FOXP2: variants seen among roughly 807,000 people sequenced by gnomAD.
FOXP2 encodes the protein forkhead box P2, also known as forkhead box protein P2.
Under a neutral mutation model 115.8 loss-of-function variants are expected in FOXP2, and 12 were observed. The ratio of observed to expected loss-of-function variants is 0.10; its 90% CI spans 0.07 to 0.17. The LOEUF is 0.17. FOXP2 is among the 10% of genes least tolerant of loss of function. FOXP2 has a pLI of 1.00. For synonymous variants in FOXP2, 328 were observed against 297.7 expected, an observed-to-expected ratio of 1.10 and a Z score of -1.05; for missense variants, 629 against 843.5, an observed-to-expected ratio of 0.75 and a Z score of 3.15.
intron 2 of FOXP2, among the ~76,000 whole-genome samples, chr7:114,374,240 T>A (rs566629343): frequency 6.6e-6 from 1 of 152,342 alleles, no homozygotes; most frequent in South Asian, 2.1e-4. Flanking sequence ...AAGCTTCATA[T>A]GTCACAGAAA....
intron 2 of FOXP2, among the ~76,000 whole-genome samples, chr7:114,487,916 T>G (rs1796867553): frequency 6.6e-6 from 1 of 152,206 alleles, no homozygotes; most frequent in South Asian, 2.1e-4. Context: ...TTCCAACCCA[T>G]GCCTGTTACC....
intron 2 of FOXP2, among the ~76,000 whole-genome samples, chr7:114,459,827 G>A (rs1406534103): frequency 6.6e-6 from 1 of 152,094 alleles, no homozygotes; most frequent in Non-Finnish European, 1.5e-5. Flanking sequence ...TGTTGGTCCG[G>A]TTGATCTCGA....
intron 2 of FOXP2, among the ~76,000 whole-genome samples, chr7:114,454,304 C>A (rs1473704475): frequency 6.6e-6 from 1 of 152,136 alleles, no homozygotes; most frequent in East Asian, 1.9e-4. Context: ...AAATGCAAAT[C>A]AAAACCACTG....
At chr7:114,318,984 A>G (rs1797342398) in intron 2 of FOXP2, among the ~76,000 whole-genome samples, 1 of 152,214 alleles carries the variant, frequency 6.6e-6, no homozygotes, top group African/African-American at 2.4e-5. Flanking sequence ...TGGATAGAAT[A>G]AAATAGTAAT....
At chr7:114,155,085 A>T (rs1792628141) in intron 1 of FOXP2, among the ~76,000 whole-genome samples, 1 of 152,186 alleles carries the variant, frequency 6.6e-6, no homozygotes, top group Admixed American at 6.6e-5. Flanking sequence ...GAATTTAGAA[A>T]ATGACTTAGT....
intron 2 of FOXP2, among the ~76,000 whole-genome samples, chr7:114,301,494 C>T (rs1473979921): frequency 6.6e-6 from 1 of 152,056 alleles, no homozygotes; most frequent in Non-Finnish European, 1.5e-5. Context: ...TTCAAAACTC[C>T]TCTTAAATAG....
At chr7:114,475,442 A>G (rs891284375) in intron 2 of FOXP2, among the ~76,000 whole-genome samples, 2 of 152,074 alleles carry the variant, frequency 1.3e-5, no homozygotes, top group African/African-American at 4.8e-5. Flanking sequence ...TGAAAGTAAA[A>G]GAGTAGAAAT....
intron 1 of FOXP2, among the ~76,000 whole-genome samples, chr7:114,088,750 G>A (rs990501453): frequency 5.3e-5 from 8 of 152,204 alleles, no homozygotes; most frequent in Admixed American, 5.2e-4. Flanking sequence ...CTGTCACTAT[G>A]AGTTATGGAT....
At chr7:114,212,955 G>C (rs1296823273) in intron 1 of FOXP2, among the ~76,000 whole-genome samples, 3 of 152,222 alleles carry the variant, frequency 2.0e-5, no homozygotes, top group Non-Finnish European at 4.4e-5. Flanking sequence ...TCCTTTAAGT[G>C]CTGAAGCAGT....
At chr7:114,252,651 T>A (rs928899705) in intron 1 of FOXP2, among the ~76,000 whole-genome samples, 11 of 152,194 alleles carry the variant, frequency 7.2e-5, no homozygotes, top group Non-Finnish European at 1.5e-4. Flanking sequence ...CCCTTTATCA[T>A]TTTTTATTAC....
intron 2 of FOXP2, among the ~76,000 whole-genome samples, chr7:114,441,583 G>A (rs1794609846): frequency 6.6e-6 from 1 of 151,978 alleles, no homozygotes; most frequent in Non-Finnish European, 1.5e-5. Flanking sequence ...CAGCTCCTTG[G>A]AATATATTCT....
intron 2 of FOXP2, among the ~76,000 whole-genome samples, chr7:114,343,926 C>G (rs899582504): frequency 6.6e-6 from 1 of 151,630 alleles, no homozygotes; most frequent in Non-Finnish European, 1.5e-5. Flanking sequence ...GTCTTCCTCA[C>G]CCCCACCTCC....
At chr7:114,324,643 T>C (rs1797511361) in intron 2 of FOXP2, among the ~76,000 whole-genome samples, 1 of 151,858 alleles carries the variant, frequency 6.6e-6, no homozygotes, top group African/African-American at 2.4e-5. Flanking sequence ...TTGGCGACTG[T>C]TATCTATCTA....
intron 1 of FOXP2, among the ~76,000 whole-genome samples, chr7:114,195,155 G>A (rs967279911): frequency 2.0e-5 from 3 of 151,966 alleles, no homozygotes; most frequent in South Asian, 4.1e-4. Context: ...GAGAGGAGCC[G>A]ATGAATATTA....
chr7:114,271,716 A>T (rs1325794888), intron 1 of FOXP2, among the ~76,000 whole-genome samples: 1 of 117,196 alleles, frequency 8.5e-6, no homozygotes, highest in Non-Finnish European at 1.6e-5. Context: ...TATTTAATAC[A>T]TATGTATTAA....
Position 114,359,481 on chromosome 7 carries a change from T to C in FOXP2, c.-10-67021T>C, listed in dbSNP as rs114585136. Among the ~76,000 whole-genome samples, 1,203 of 152,294 alleles carry C rather than the reference T, an allele frequency of 7.9e-3. 14 individuals carry two copies. Among genetic ancestry groups the C allele is most frequent in the African/African-American group, 0.028 (1,145 of 41,588 alleles). ...CACCATCCTCCAGAATCCAGAATTG[T>C]AGATCCACTGACAGCTTGTACCATG... On this transcript the variant is annotated intron_variant, in intron 2 of 17. Transcript: ENST00000634411.
intron 2 of FOXP2, among the ~76,000 whole-genome samples, chr7:114,528,243 T>G (rs1798968157): frequency 6.6e-6 from 1 of 152,078 alleles, no homozygotes; most frequent in Non-Finnish European, 1.5e-5. Context: ...TTCTGTCATC[T>G]CCACGAAATG....
intron 3 of FOXP2, among the ~76,000 whole-genome samples, chr7:114,595,831 G>T (rs1285414779): frequency 6.6e-6 from 1 of 151,996 alleles, no homozygotes; most frequent in Admixed American, 6.6e-5. Context: ...CACATATCCA[G>T]TTCAGGGTGA....
At chr7:114,484,778 A>G (rs1278538333) in intron 2 of FOXP2, among the ~76,000 whole-genome samples, 1 of 152,010 alleles carries the variant, frequency 6.6e-6, no homozygotes, top group East Asian at 1.9e-4. Flanking sequence ...TACGTTTTAG[A>G]TATCACAAGT....
Sources: allele counts gnomAD v4.1 joint callset (sites outside exome capture counted in the v4.1 genomes callset), GRCh38; gene constraint gnomAD v4.1.1; transcripts MANE v1.5; gene names NCBI Gene and HGNC (gene_info 2026-07-23, HGNC 2026-07-21).